CACNA1H: variants seen among roughly 807,000 people sequenced by gnomAD.
The protein encoded by CACNA1H is calcium voltage-gated channel subunit alpha1 H.
Under a neutral mutation model 192.5 loss-of-function variants are expected in CACNA1H, and 149 were observed. The ratio of observed to expected loss-of-function variants is 0.77; its 90% CI spans 0.68 to 0.89. The LOEUF (loss-of-function observed/expected upper bound fraction) is 0.89, where lower values mean the gene tolerates loss of function less well. Among genes scored for constraint, CACNA1H ranks in the 40% least tolerant of loss-of-function variants. CACNA1H has a pLI of 0.00. For synonymous variants in CACNA1H, 2,202 were observed against 1,475.2 expected (o/e 1.49, Z -11.29); for missense variants, 4,257 against 3,423.5 (o/e 1.24, Z -6.08).
Position 1,217,958 on chromosome 16 carries a change from A to T in CACNA1H, c.5363A>T (p.His1788Leu), listed in dbSNP as rs1970168931. 1 of 1,605,656 alleles carries T rather than the reference A, an allele frequency of 6.2e-7. No individual in the cohort carries two copies. Among genetic ancestry groups the T allele is most frequent in the South Asian group, 1.1e-5 (1 of 89,526 alleles). The change falls in exon 32 of 35, where the codon CAC (histidine) becomes CTC (leucine). Residue 1788 changes from histidine (H) to leucine (L), a missense_variant. Coordinates refer to ENST00000348261, the MANE Select transcript of CACNA1H (RefSeq NM_021098.3). ...EDNPCEGLSR[H>L]ATFSNFGMAF... ...AACCCCTGCGAGGGCCTGAGCAGGC[A>T]CGCCACCTTCAGCAACTTCGGCATG... is the stretch of plus-strand genomic sequence containing the variant.
chr16:1,196,511 C>T (rs1361091812), intron 5 of CACNA1H, among the ~76,000 whole-genome samples: 2 of 152,184 alleles, frequency 1.3e-5, no homozygotes, highest in African/African-American at 4.8e-5. Context: ...CTCGCTCTCC[C>T]CACCCGCCAC....
In CACNA1H at chr16:1,206,119, G is replaced by A; in HGVS notation, c.2619G>A (p.Val873=). ...CTGTCCGCAGCGTCTGGGAGATCGT[G>A]GGGCAGGCGGACGGTGGCTTGTCTG... ...IIVVISVWEI[V]GQADGGLSVL... is the part of the protein sequence containing the mutation. Residue 873 remains valine, a synonymous_variant, in exon 12 of 35, where the codon GTG becomes GTA. Coordinates refer to ENST00000348261, the MANE Select transcript of CACNA1H (RefSeq NM_021098.3). 1 of 1,582,464 alleles carries A rather than the reference G, an allele frequency of 6.3e-7. No individual in the cohort carries two copies. The highest frequency in any genetic ancestry group is 1.2e-5 in the South Asian group (1 of 86,274).
rs764592377 is a variant in CACNA1H, at chr16:1,204,286, A to G, written c.2279A>G (p.Gln760Arg). 1.9e-6 allele frequency: 3 copies of G among 1,602,480 alleles called. No individual in the cohort carries two copies. The highest frequency in any genetic ancestry group is 2.6e-6 in the Non-Finnish European group (3 of 1,174,332). The part of the protein sequence containing the change: ...DTPGPGPGSP[Q>R]RRAQQRAAPG... ...CCAGGCCCAGGCCCAGGCAGCCCCCAGCGGCGGGCACAGCAGAGGGCAGCC... is the reference window on the plus strand; with the variant it reads ...CCAGGCCCAGGCCCAGGCAGCCCCCGGCGGCGGGCACAGCAGAGGGCAGCC... The change falls in exon 10 of 35, where the codon CAG becomes CGG. Residue 760 changes from glutamine (Q) to arginine (R), a missense_variant. Physicochemically the swap from Gln to Arg is conservative, Grantham distance 43. Transcript: ENST00000348261.
In CACNA1H at chr16:1,214,897, G is replaced by A. The variant is rs1292200850; in HGVS notation, c.4930-75G>A. The stretch of plus-strand genomic sequence containing the variant: ...AGGGCCGGCCAGCGGGGGCACTCGG[G>A]CGTGCAGAGTGGGAGCCAGGGGGAA... On this transcript the variant is annotated intron_variant, in intron 27 of 34. Coordinates refer to ENST00000348261, the MANE Select transcript of CACNA1H (RefSeq NM_021098.3). 1.5e-5 allele frequency: 17 copies of A among 1,129,040 alleles called. 1 individual carries two copies. The highest frequency in any genetic ancestry group is 2.2e-5 in the Non-Finnish European group (17 of 768,784). 69.9% of individuals were successfully genotyped at this position (1,129,040 alleles called of 1,614,324 possible).
chr16:1,187,477 CT>C (rs1255602288), intron 2 of CACNA1H, among the ~76,000 whole-genome samples: 1 of 152,278 alleles, frequency 6.6e-6, no homozygotes, highest in East Asian at 1.9e-4. Flanking sequence ...GCCCACACCC[CT>C]GCCCCTGGCT....
rs772088198 is a variant in CACNA1H, at chr16:1,204,017, C to T, written c.2010C>T (p.Gly670=). The part of the protein sequence containing the change: ...IPHVVGEHGL[G]QAPGHLSGLS... Reference sequence around the variant, plus strand: ...CTGTGCCCTCTCCCGCAGGACTGGGCCAGGCCCCTGGCCATCTGTCGGGCC... The same window carrying T: ...CTGTGCCCTCTCCCGCAGGACTGGGTCAGGCCCCTGGCCATCTGTCGGGCC... The change falls in exon 10 of 35, where the codon GGC becomes GGT. Residue 670 remains glycine, a synonymous_variant. Transcript: ENST00000348261. 5 of 1,549,756 alleles carry T rather than the reference C, an allele frequency of 3.2e-6. No individual in the cohort carries two copies. Among genetic ancestry groups the T allele is most frequent in the Non-Finnish European group, 3.5e-6 (4 of 1,147,996 alleles).
intron 2 of CACNA1H, among the ~76,000 whole-genome samples, chr16:1,171,161 T>TG (rs1964331232): frequency 6.6e-6 from 1 of 152,096 alleles, no homozygotes; most frequent in South Asian, 2.1e-4. Context: ...GGGTGCTCTC[T>TG]GGGGAGCCCT....
rs532352517 is a variant in CACNA1H, at chr16:1,220,632, C to T, written c.6700C>T (p.Pro2234Ser). 5.0e-6 allele frequency: 8 copies of T among 1,597,696 alleles called. No homozygotes were observed. The Admixed American group carries it at 1.4e-4, about 28-fold the overall frequency. The change falls in exon 35 of 35, where the codon CCC (proline) becomes TCC (serine). Residue 2234 changes from proline to serine, a missense_variant. Pro to Ser is a moderately conservative substitution (Grantham distance 74). Transcript: ENST00000348261. ...CACGCCTCACAGGGACTCCCTGGAGCCCACAGAGGGCTCAGGCGCCGGGGG... is the reference window on the plus strand; with the variant it reads ...CACGCCTCACAGGGACTCCCTGGAGTCCACAGAGGGCTCAGGCGCCGGGGG... Reference protein sequence around the residue: ...EATPHRDSLEPTEGSGAGGDP... With the variant: ...EATPHRDSLESTEGSGAGGDP...
intron 16 of CACNA1H, among the ~76,000 whole-genome samples, chr16:1,208,732 C>T (rs1439074344): frequency 6.6e-6 from 1 of 152,174 alleles, no homozygotes; most frequent in Non-Finnish European, 1.5e-5. Flanking sequence ...GAGCCGCAGG[C>T]CCAGTGTGCT....
Position 1,220,750 on chromosome 16 carries a change from T to C in CACNA1H, c.6818T>C (p.Leu2273Pro), listed in dbSNP as rs943817403. Residue 2273 changes from leucine (L) to proline (P), a missense_variant, in exon 35 of 35, where the codon CTC becomes CCC. Physicochemically the swap from Leu to Pro is moderately conservative, Grantham distance 98. Coordinates refer to ENST00000348261, the MANE Select transcript of CACNA1H (RefSeq NM_021098.3). The part of the protein sequence containing the change: ...VPSFAFEPLD[L>P]GVPSGDPFLD... Reference sequence around the variant, plus strand: ...AGCTTTGCCTTTGAGCCGCTGGACCTCGGGGTCCCCAGTGGAGACCCTTTC... The same window carrying C: ...AGCTTTGCCTTTGAGCCGCTGGACCCCGGGGTCCCCAGTGGAGACCCTTTC... 11 of 1,612,226 alleles carry C rather than the reference T, an allele frequency of 6.8e-6. No homozygotes were observed. In the African/African-American group the frequency reaches 1.2e-4, roughly 18 times the overall value.
In CACNA1H at chr16:1,195,981, G is replaced by T. The variant is rs773312766; in HGVS notation, c.601G>T (p.Val201Leu). 6.2e-7 allele frequency: 1 copy of T among 1,613,068 alleles called. No homozygotes were observed. The highest frequency in any genetic ancestry group is 1.3e-5 in the African/African-American group (1 of 75,060). Residue 201 changes from valine to leucine, a missense_variant, in exon 5 of 35, where the codon GTG (valine) becomes TTG (leucine). By Grantham distance (32) the Val-to-Leu change is conservative. Coordinates refer to ENST00000348261, the MANE Select transcript of CACNA1H (RefSeq NM_021098.3). ...HNVSLSAIRT[V>L]RVLRPLRAIN... ...CGTGAGCCTCTCGGCTATCAGGACCGTGCGGGTGCTGCGGCCCCTCCGCGC... is the reference window on the plus strand; with the variant it reads ...CGTGAGCCTCTCGGCTATCAGGACCTTGCGGGTGCTGCGGCCCCTCCGCGC...
intron 2 of CACNA1H, chr16:1,157,882 G>A (rs1962636015): frequency 6.6e-6 from 1 of 152,242 alleles, no homozygotes; most frequent in South Asian, 2.1e-4. Flanking sequence ...ACCAGGGTGT[G>A]AACTCGGCCG....
At position 1,210,657 on chromosome 16, in the gene CACNA1H, G is replaced by C. The variant is rs112068805; in HGVS notation, c.4038+6G>C. The C allele has an allele frequency of 5.6e-6, 9 of 1,601,486 alleles. No individual in the cohort carries two copies. The highest frequency in any genetic ancestry group is 6.8e-6 in the Non-Finnish European group (8 of 1,179,280). ...TGGCGGAGATGATGGTGAAGGTACC[G>C]CGGGGCCCGGGGACTGCCCTTGTTC... On this transcript the variant is annotated splice_donor_region_variant and intron_variant, in intron 20 of 34. Coordinates refer to ENST00000348261, the MANE Select transcript of CACNA1H (RefSeq NM_021098.3).
At chr16:1,217,502 A>G (rs1439746974) in intron 31 of CACNA1H, among the ~76,000 whole-genome samples, 2 of 151,760 alleles carry the variant, frequency 1.3e-5, no homozygotes, top group African/African-American at 4.8e-5. Flanking sequence ...GCCGGGTTCC[A>G]CTTCAGGCAG....
intron 11 of CACNA1H, among the ~76,000 whole-genome samples, 176 bp from the exon 12 acceptor site, chr16:1,205,928 C>G (rs531316314): frequency 6.2e-4 from 94 of 152,336 alleles, no homozygotes; most frequent in African/African-American, 2.0e-3. Flanking sequence ...GGATAAGCGG[C>G]TTTTGAGGTG....
chr16:1,195,585 G>T lies in CACNA1H; in HGVS notation c.545+20G>T. 2 of 1,583,846 alleles carry T rather than the reference G, an allele frequency of 1.3e-6. No homozygotes were observed. Among genetic ancestry groups the T allele is most frequent in the Middle Eastern group, 2.0e-4 (1 of 4,896 alleles). ...GGCGGGGTAGGCCCCGCCTGGGAGA[G>T]GCCACAGCGCTGGCGAAGGGGCCCC... On this transcript the variant is annotated intron_variant, in intron 4 of 34. Transcript: ENST00000348261.
intron 25 of CACNA1H, 171 bp downstream of exon 25, chr16:1,212,309 T>C: frequency 8.5e-7 from 1 of 1,175,380 alleles, no homozygotes; most frequent in South Asian, 1.6e-5. Context: ...GAGAGGGCCG[T>C]CGGGGAGCCC....
At position 1,210,646 on chromosome 16, in the gene CACNA1H, G is replaced by C. The variant is rs777795718; in HGVS notation, c.4033G>C (p.Val1345Leu). Reference sequence around the variant, plus strand: ...GGCCATCTTCGTGGCGGAGATGATGGTGAAGGTACCGCGGGGCCCGGGGAC... The same window carrying C: ...GGCCATCTTCGTGGCGGAGATGATGCTGAAGGTACCGCGGGGCCCGGGGAC... ...FTAIFVAEMM[V>L]KVVALGLLSG... The change falls in exon 20 of 35, where the codon GTG becomes CTG. Residue 1345 changes from valine to leucine, a missense_variant. Coordinates refer to ENST00000348261, the MANE Select transcript of CACNA1H (RefSeq NM_021098.3). 22 of 1,603,968 alleles carry C rather than the reference G, an allele frequency of 1.4e-5. No individual in the cohort carries two copies. The highest frequency in any genetic ancestry group is 1.9e-5 in the Non-Finnish European group (22 of 1,179,656).
intron 2 of CACNA1H, among the ~76,000 whole-genome samples, chr16:1,179,573 C>CAT (rs1965259968): frequency 6.6e-6 from 1 of 152,058 alleles, no homozygotes; most frequent in African/African-American, 2.4e-5. Flanking sequence ...GGATTACAGG[C>CAT]GCCCGCCACC....
Sources: gnomAD v4.1 joint callset for allele counts (sites outside exome capture counted in the v4.1 genomes callset) on GRCh38, gnomAD v4.1.1 for gene constraint, MANE v1.5 for transcripts, NCBI Gene and HGNC (gene_info 2026-07-23, HGNC 2026-07-21) for gene names.